FAT3: variants seen among roughly 807,000 people sequenced by gnomAD.
FAT3 encodes protocadherin Fat 3.
Under a neutral mutation model 310.2 loss-of-function variants are expected in FAT3, and 95 were observed. The observed-to-expected ratio is 0.31, with a 90% CI of 0.26 to 0.36. The LOEUF (loss-of-function observed/expected upper bound fraction) is 0.36. FAT3 is among the 10% of genes least tolerant of loss of function. The pLI is 1.00. For missense variants in FAT3, 5,408 were observed against 5,715.6 expected, an observed-to-expected ratio of 0.95 and a Z score of 1.74; for synonymous variants, 2,314 against 2,192.9, an observed-to-expected ratio of 1.06 and a Z score of -1.54.
intron 3 of FAT3, among the ~76,000 whole-genome samples, chr11:92,647,018 C>A (rs772206968): frequency 2.0e-5 from 3 of 152,136 alleles, no homozygotes; most frequent in Non-Finnish European, 2.9e-5. Context: ...CTGATAAGAA[C>A]TAGGACAATT....
chr11:92,418,854 A>G (rs1950476250), intron 2 of FAT3, among the ~76,000 whole-genome samples: 1 of 152,180 alleles, frequency 6.6e-6, no homozygotes, highest in Non-Finnish European at 1.5e-5. Context: ...TAACAAAGAG[A>G]GAGCCCTGTC....
rs964249224 is a variant in FAT3 at position 92,453,481 on chromosome 11, A to AT, written c.3293-71141dup. 3.4e-3 allele frequency among the ~76,000 whole-genome samples: 504 copies of AT among 146,176 alleles called. 1 individual carries two copies. Among genetic ancestry groups the AT allele is most frequent in the African/African-American group, 7.0e-3 (281 of 40,360 alleles). On this transcript the variant is annotated intron_variant, in intron 2 of 27. Transcript: ENST00000525166. ...AAATTAAGACTAGAACCATTTTCCA[A>AT]TTTTTTTTTTTTGTAAAAAAGAAAG...
intron 2 of FAT3, among the ~76,000 whole-genome samples, chr11:92,377,860 A>G (rs1949387148): frequency 6.6e-6 from 1 of 152,186 alleles, no homozygotes; most frequent in African/African-American, 2.4e-5. Flanking sequence ...TCCAAAGGTT[A>G]AATTAGATGA....
intron 3 of FAT3, among the ~76,000 whole-genome samples, chr11:92,604,305 G>C (rs1390805360): frequency 6.6e-6 from 1 of 152,072 alleles, no homozygotes; most frequent in East Asian, 1.9e-4. Flanking sequence ...TTTTAATTAT[G>C]ACTTTGTACT....
chr11:92,305,473 T>C (rs1037176069), intron 1 of FAT3, among the ~76,000 whole-genome samples: 6 of 152,096 alleles, frequency 3.9e-5, no homozygotes, highest in African/African-American at 1.4e-4. Context: ...AAACAGGATA[T>C]TTACTTAGTC....
chr11:92,785,510 G>T (rs1946867201), intron 7 of FAT3, among the ~76,000 whole-genome samples: 1 of 151,956 alleles, frequency 6.6e-6, no homozygotes, highest in Non-Finnish European at 1.5e-5. Context: ...TTCTATAAGT[G>T]ATAGGAAAAT....
chr11:92,733,652 C>T (rs1945253503), intron 4 of FAT3, among the ~76,000 whole-genome samples: 1 of 151,848 alleles, frequency 6.6e-6, no homozygotes, highest in African/African-American at 2.4e-5. Flanking sequence ...GCATGGTGGT[C>T]CCTAGGTTGA....
At chr11:92,778,912 T>C (rs1946666957) in intron 7 of FAT3, among the ~76,000 whole-genome samples, 1 of 152,256 alleles carries the variant, frequency 6.6e-6, no homozygotes, top group Middle Eastern at 3.4e-3. Context: ...AGATTCACTC[T>C]CTTTGAGAAT....
chr11:92,790,298 G>C, intron 8 of FAT3, 80 bp downstream of exon 8: 1 of 1,420,808 alleles, frequency 7.0e-7, no homozygotes, highest in Non-Finnish European at 9.5e-7. Context: ...AGAAGTATAG[G>C]GCCCCTAAAT....
At chr11:92,819,911 C>T (rs1188210456) in intron 13 of FAT3, among the ~76,000 whole-genome samples, 1 of 152,156 alleles carries the variant, frequency 6.6e-6, no homozygotes, top group Non-Finnish European at 1.5e-5. Context: ...AATAAAGATG[C>T]CAATATTCCT....
At chr11:92,398,714 T>A (rs1319868415) in intron 2 of FAT3, among the ~76,000 whole-genome samples, 1 of 152,156 alleles carries the variant, frequency 6.6e-6, no homozygotes, top group African/African-American at 2.4e-5. Context: ...ATTCAACCGA[T>A]AATAAATAAC....
chr11:92,851,517 T>C (rs1295144561), intron 19 of FAT3, among the ~76,000 whole-genome samples: 1 of 152,190 alleles, frequency 6.6e-6, no homozygotes, highest in Non-Finnish European at 1.5e-5. Context: ...TCTATGTCAA[T>C]GCAGTATTGT....
intron 3 of FAT3, among the ~76,000 whole-genome samples, chr11:92,654,623 G>T (rs1259329613): frequency 6.6e-6 from 1 of 152,024 alleles, no homozygotes; most frequent in Non-Finnish European, 1.5e-5. Flanking sequence ...TCACTTCCAA[G>T]GTGTCAGTAA....
At chr11:92,836,777 G>A (rs746280911) in intron 16 of FAT3, 74 bp downstream of exon 16, 87 of 1,525,402 alleles carry the variant, frequency 5.7e-5, no homozygotes, top group Middle Eastern at 3.5e-4. Flanking sequence ...CAAGCTCCAC[G>A]GGTGTAAATA....
intron 6 of FAT3, among the ~76,000 whole-genome samples, chr11:92,771,953 C>G (rs1411428900): frequency 1.3e-5 from 2 of 151,974 alleles, no homozygotes; most frequent in Non-Finnish European, 2.9e-5. Context: ...TTGGACTGCC[C>G]CATTTAAACA....
At chr11:92,581,629 C>G (rs750767793) in intron 3 of FAT3, among the ~76,000 whole-genome samples, 3 of 151,966 alleles carry the variant, frequency 2.0e-5, no homozygotes, top group African/African-American at 4.8e-5. Context: ...TATCATCTTA[C>G]CAGTTAGCTT....
At chr11:92,307,619 A>G (rs1300116124) in intron 1 of FAT3, among the ~76,000 whole-genome samples, 1 of 152,150 alleles carries the variant, frequency 6.6e-6, no homozygotes, top group Non-Finnish European at 1.5e-5. Context: ...GCTTCATTGT[A>G]TCTCTCAGAT....
At chr11:92,357,998 T>TAAA (rs1324054781) in intron 2 of FAT3, among the ~76,000 whole-genome samples, 2 of 120,330 alleles carry the variant, frequency 1.7e-5, no homozygotes, top group Non-Finnish European at 3.3e-5. Context: ...GTGGAATTCC[T>TAAA]AAAAAAAAAA....
intron 2 of FAT3, among the ~76,000 whole-genome samples, chr11:92,415,849 C>CTTTTTTTTTTTTTTTTTTTTTTT (rs1196695394): frequency 1.4e-4 from 10 of 70,438 alleles, no homozygotes; most frequent in Non-Finnish European, 2.2e-4. Flanking sequence ...AGCATTTTTG[C>CTTTTTTTTTTTTTTTTTTTTTTT]TTTTTTTTTT....
Sources: allele counts gnomAD v4.1 joint callset (sites outside exome capture counted in the v4.1 genomes callset), GRCh38; gene constraint gnomAD v4.1.1; transcripts MANE v1.5; gene names NCBI Gene and HGNC (gene_info 2026-07-23, HGNC 2026-07-21).